The following UMOD variants were observed in gnomAD, a reference collection of about 807,000 sequenced individuals.
UMOD encodes Tamm-Horsfall urinary glycoprotein.
Under a neutral mutation model 66.0 loss-of-function variants are expected in UMOD, and 64 were observed. That is an observed-to-expected ratio of 0.97 (90% CI 0.79 to 1.19). The LOEUF (loss-of-function observed/expected upper bound fraction) is 1.19, where lower values mean the gene tolerates loss of function less well. UMOD is among the 50% of genes most tolerant of loss of function. UMOD has a pLI of 0.00. For missense variants in UMOD, 764 were observed against 850.9 expected, an observed-to-expected ratio of 0.90 and a Z score of 1.27; for synonymous variants, 398 against 352.7, an observed-to-expected ratio of 1.13 and a Z score of -1.44.
intron 2 of UMOD, chr16:20,349,842 C>T: frequency 6.5e-7 from 1 of 1,549,448 alleles, no homozygotes; most frequent in East Asian, 2.4e-5. Context: ...CCTCCAACTC[C>T]ACCTGGCTGG....
chr16:20,340,148 A>C (rs543176375), intron 7 of UMOD, among the ~76,000 whole-genome samples: 129 of 152,300 alleles, frequency 8.5e-4, no homozygotes, highest in African/African-American at 2.9e-3. Flanking sequence ...TAAATGCCTA[A>C]AATAAAATAT....
At chr16:20,343,843 A>G (rs1017290940) in intron 6 of UMOD, among the ~76,000 whole-genome samples, 181 bp downstream of exon 6, 12 of 152,200 alleles carry the variant, frequency 7.9e-5, no homozygotes, top group Non-Finnish European at 4.4e-5. Context: ...CATAACCATC[A>G]TTTATGACAA....
At position 20,348,328 on chromosome 16, in the gene UMOD, G is replaced by T; in HGVS notation, c.868C>A (p.Pro290Thr). 6.2e-7 allele frequency: 1 copy of T among 1,614,160 alleles called. No homozygotes were observed. The highest frequency in any genetic ancestry group is 1.1e-5 in the South Asian group (1 of 91,084). Residue 290 changes from proline to threonine, a missense_variant and splice_region_variant, in exon 4 of 11, where the codon CCC becomes ACC. Pro to Thr is a conservative substitution (Grantham distance 38, BLOSUM62 -1). Coordinates refer to ENST00000396138, the MANE Select transcript of UMOD (RefSeq NM_003361.4). ...TCACACGTCCCCTCCACGGAGCTGG[G>T]GTCTGCAGGGTCACAGGGACAGACA... is the stretch of plus-strand genomic sequence containing the variant. ...PECHLAYCTDPSSVEGTCEEC... is the reference protein window; with the variant it reads ...PECHLAYCTDTSSVEGTCEEC...
At chr16:20,341,939 G>A (rs1965246563) in intron 6 of UMOD, among the ~76,000 whole-genome samples, 1 of 152,234 alleles carries the variant, frequency 6.6e-6, no homozygotes, top group Non-Finnish European at 1.5e-5. Context: ...GACATTGTAA[G>A]GCTGATGCCT....
chr16:20,355,716 C>T (rs553807298), upstream of UMOD, among the ~76,000 whole-genome samples: 1 of 152,240 alleles, frequency 6.6e-6, no homozygotes, highest in African/African-American at 2.4e-5. Flanking sequence ...ACTTTTCTCT[C>T]TTAACTTTCA....
intron 5 of UMOD, among the ~76,000 whole-genome samples, chr16:20,345,561 C>T (rs998859906): frequency 1.5e-5 from 2 of 131,596 alleles, no homozygotes; most frequent in Admixed American, 1.8e-4. Flanking sequence ...CTCTTTCTTT[C>T]TTTCTTTCCT....
upstream of UMOD, among the ~76,000 whole-genome samples, chr16:20,355,652 G>C (rs181070438): frequency 6.6e-6 from 1 of 151,882 alleles, no homozygotes; most frequent in Non-Finnish European, 1.5e-5. Context: ...TGCCTGCCTC[G>C]GCCTCCCAAA....
chr16:20,353,265 C>T (rs1336873496), upstream of UMOD, among the ~76,000 whole-genome samples: 1 of 152,168 alleles, frequency 6.6e-6, no homozygotes, highest in African/African-American at 2.4e-5. Flanking sequence ...GAAGGTAGTT[C>T]AGACATCACT....
upstream of UMOD, among the ~76,000 whole-genome samples, chr16:20,355,276 A>C (rs1177337083): frequency 6.6e-6 from 1 of 152,104 alleles, no homozygotes; most frequent in African/African-American, 2.4e-5. Context: ...CCATGTTACC[A>C]AATTCAATCA....
chr16:20,337,324 A>G lies in UMOD; in HGVS notation c.1707T>C (p.Tyr569=). 2 of 1,614,222 alleles carry G rather than the reference A, an allele frequency of 1.2e-6. No individual in the cohort carries two copies. Among genetic ancestry groups the G allele is most frequent in the Non-Finnish European group, 1.7e-6 (2 of 1,180,044 alleles). Residue 569 remains tyrosine, a synonymous_variant, in exon 8 of 11, where the codon TAT becomes TAC. Coordinates refer to ENST00000396138, the MANE Select transcript of UMOD (RefSeq NM_003361.4). ...ACTTTTCATTCATGGTGTCACAGAG[A>G]TAGACTTCACAGTGCAGGTAGACTA... The part of the protein sequence containing the change: ...YDLVYLHCEV[Y]LCDTMNEKCK...
At chr16:20,333,443 G>C in intron 10 of UMOD, 68 bp from the exon 11 acceptor site, 1 of 1,456,880 alleles carries the variant, frequency 6.9e-7, no homozygotes, top group Non-Finnish European at 9.4e-7. Context: ...AACATAAGCT[G>C]CCTCGTCTAG....
At chr16:20,355,514 T>C (rs925541640), upstream of UMOD, among the ~76,000 whole-genome samples, 10 of 151,680 alleles carry the variant, frequency 6.6e-5, no homozygotes, top group African/African-American at 9.7e-5. Flanking sequence ...AGTGATTCTC[T>C]TGAATCCTTG....
rs750942292 is a variant in UMOD at position 20,341,221 on chromosome 16, C to T, written c.1447G>A (p.Ala483Thr). The change falls in exon 7 of 11, where the codon GCT becomes ACT. Residue 483 changes from alanine to threonine, a missense_variant. Transcript: ENST00000396138. Reference sequence around the variant, plus strand: ...AACATGGTGCCCACGTAGAGAAAAGCCTCAGTGGACAGTGTCACGGAGGAG... The same window carrying T: ...AACATGGTGCCCACGTAGAGAAAAGTCTCAGTGGACAGTGTCACGGAGGAG... ...QGSSVTLSTE[A>T]FLYVGTMLDG... The T allele has an allele frequency of 6.2e-7, 1 of 1,614,068 alleles. No individual in the cohort carries two copies. The highest frequency in any genetic ancestry group is 8.5e-7 in the Non-Finnish European group (1 of 1,180,012).
At chr16:20,333,541 C>T (rs565863011) in intron 10 of UMOD, among the ~76,000 whole-genome samples, 166 bp from the exon 11 acceptor site, 10 of 152,172 alleles carry the variant, frequency 6.6e-5, no homozygotes, top group Admixed American at 5.9e-4. Context: ...AAAGGTGGAC[C>T]GATTTGAAAA....
intron 7 of UMOD, among the ~76,000 whole-genome samples, chr16:20,339,294 T>C (rs1490736302): frequency 1.3e-5 from 2 of 152,258 alleles, no homozygotes. Context: ...ATGAGCGTTT[T>C]CCTGTGTGTC....
chr16:20,338,796 G>T (rs531382879), intron 7 of UMOD, among the ~76,000 whole-genome samples: 54 of 152,052 alleles, frequency 3.6e-4, no homozygotes, highest in Non-Finnish European at 5.6e-4. Context: ...TTTCACTCTT[G>T]TTGCCCAAGC....
chr16:20,334,565 G>A (rs148992560), intron 10 of UMOD, among the ~76,000 whole-genome samples: 212 of 152,218 alleles, frequency 1.4e-3, no homozygotes, highest in African/African-American at 4.8e-3. Context: ...GATTATCTGG[G>A]CATGCCTGTG....
rs760211500 is a variant in UMOD, at chr16:20,348,460, C to T, written c.841G>A (p.Glu281Lys). The T allele has an allele frequency of 6.2e-7, 1 of 1,613,394 alleles. No homozygotes were observed. The highest frequency in any genetic ancestry group is 1.1e-5 in the South Asian group (1 of 91,064). The change falls in exon 3 of 11, where the codon GAG becomes AAG. Residue 281 changes from glutamate to lysine, a missense_variant. Coordinates refer to ENST00000396138, the MANE Select transcript of UMOD (RefSeq NM_003361.4). ...CCTGTGCAGTACGCCAGGTGACACT[C>T]GGGGGGCGCTGTCAGGTTGTAGACG... is the stretch of plus-strand genomic sequence containing the variant. ...YYVYNLTAPP[E>K]CHLAYCTDPS...
chr16:20,352,753 C>T, upstream of UMOD: 1 of 1,231,320 alleles, frequency 8.1e-7, no homozygotes, highest in Non-Finnish European at 1.0e-6. Context: ...TACACATTTG[C>T]CCCAGGCTGG....
Sources: gnomAD v4.1 joint callset for allele counts (sites outside exome capture counted in the v4.1 genomes callset) on GRCh38, gnomAD v4.1.1 for gene constraint, MANE v1.5 for transcripts, NCBI Gene and HGNC (gene_info 2026-07-23, HGNC 2026-07-21) for gene names.